The following COL23A1 variants were observed in gnomAD, a reference collection of about 807,000 sequenced individuals.
COL23A1 encodes the protein collagen alpha-1(XXIII) chain.
Under a neutral mutation model 99.3 loss-of-function variants are expected in COL23A1, and 97 were observed. The observed-to-expected ratio is 0.98, with a 90% confidence interval of 0.83 to 1.16. The LOEUF (loss-of-function observed/expected upper bound fraction) is 1.16. Among genes scored for constraint, COL23A1 ranks in the 50% most tolerant of loss-of-function variants. The pLI, the probability that COL23A1 is intolerant of heterozygous loss-of-function variation, is 0.00. For missense variants in COL23A1, 762 were observed against 757.4 expected (o/e 1.01, Z -0.07); for synonymous variants, 320 against 308.2 (o/e 1.04, Z -0.40).
At chr5:178,579,786 A>G (rs546453309) in intron 1 of COL23A1, among the ~76,000 whole-genome samples, 1 of 152,168 alleles carries the variant, frequency 6.6e-6, no homozygotes, top group Admixed American at 6.5e-5. Flanking sequence ...CCACGCATCC[A>G]TCACTTACAG....
Position 178,250,054 on chromosome 5 carries a change from C to A in COL23A1, c.1059+7G>T. 6.2e-7 allele frequency: 1 copy of A among 1,614,168 alleles called. No homozygotes were observed. The highest frequency in any genetic ancestry group is 8.5e-7 in the Non-Finnish European group (1 of 1,180,016). On this transcript the variant is annotated splice_region_variant and intron_variant, in intron 18 of 28. Coordinates refer to ENST00000390654, the MANE Select transcript of COL23A1 (RefSeq NM_173465.4). ...GGCATCACCAAGGAAATGAAAGGCC[C>A]AGAGACCTTCTCTCCATCGATTCCT...
At chr5:178,435,440 C>T (rs750390228) in intron 2 of COL23A1, among the ~76,000 whole-genome samples, 3 of 152,012 alleles carry the variant, frequency 2.0e-5, no homozygotes, top group South Asian at 2.1e-4. Flanking sequence ...AACCTGGGTG[C>T]GGAGCCCTGA....
chr5:178,538,707 A>T (rs1225206801), intron 2 of COL23A1, among the ~76,000 whole-genome samples: 1 of 152,368 alleles, frequency 6.6e-6, no homozygotes, highest in Middle Eastern at 3.4e-3. Flanking sequence ...CACGTGAGTT[A>T]GCAATTCCAG....
At chr5:178,247,364 G>A (rs547036745) in intron 22 of COL23A1, among the ~76,000 whole-genome samples, 162 bp downstream of exon 22, 1 of 152,248 alleles carries the variant, frequency 6.6e-6, no homozygotes, top group South Asian at 2.1e-4. Context: ...CAACGACATC[G>A]GGGAGGTTAT....
chr5:178,502,404 T>G (rs1470394665), intron 2 of COL23A1, among the ~76,000 whole-genome samples: 1 of 152,248 alleles, frequency 6.6e-6, no homozygotes, highest in Non-Finnish European at 1.5e-5. Context: ...GTGCTGGGAT[T>G]ACAGGCGTGA....
At chr5:178,398,487 C>T (rs1391857947) in intron 2 of COL23A1, among the ~76,000 whole-genome samples, 3 of 151,734 alleles carry the variant, frequency 2.0e-5, no homozygotes, top group African/African-American at 7.3e-5. Flanking sequence ...ATTAGCTGGG[C>T]GTGGTGGCAC....
In COL23A1 at chr5:178,434,667, A is replaced by T. The variant is rs1015974946; in HGVS notation, c.361+126015T>A. Among the ~76,000 whole-genome samples, 4 of 152,106 alleles carry T rather than the reference A, an allele frequency of 2.6e-5. No homozygotes were observed. The highest frequency in any genetic ancestry group is 9.7e-5 in the African/African-American group (4 of 41,406). ...GGGGGCTCTGGCCCTGGTGCTGCTG[A>T]GGGAGGGAAGAATCTGACCCTACCT... On this transcript the variant is annotated intron_variant, in intron 2 of 28. Coordinates refer to ENST00000390654, the MANE Select transcript of COL23A1 (RefSeq NM_173465.4). This position sits in a 1 kb window ranked among gnomAD's most constrained non-coding sequence, Gnocchi z 4.3.
intron 2 of COL23A1, among the ~76,000 whole-genome samples, chr5:178,419,128 C>T (rs1266217333): frequency 6.6e-6 from 1 of 152,236 alleles, no homozygotes; most frequent in Non-Finnish European, 1.5e-5. Context: ...AGGTGAGGGG[C>T]ATCACCCGGT....
intron 2 of COL23A1, among the ~76,000 whole-genome samples, chr5:178,441,984 G>C (rs1244513518): frequency 1.3e-5 from 2 of 152,086 alleles, no homozygotes; most frequent in African/African-American, 4.8e-5. Flanking sequence ...CAGTTTCCCT[G>C]CCCCAAATCC....
At chr5:178,502,233 G>A (rs564820892) in intron 2 of COL23A1, among the ~76,000 whole-genome samples, 27 of 152,288 alleles carry the variant, frequency 1.8e-4, no homozygotes, top group South Asian at 1.2e-3. Flanking sequence ...CCAGGTTCAC[G>A]CCATTCTCCT....
intron 2 of COL23A1, among the ~76,000 whole-genome samples, chr5:178,379,942 G>A (rs1327723200): frequency 6.6e-6 from 1 of 151,924 alleles, no homozygotes. Context: ...TACCCATTTA[G>A]TTCAACCTTA....
At chr5:178,337,564 A>T (rs754824900) in intron 2 of COL23A1, among the ~76,000 whole-genome samples, 26 of 152,012 alleles carry the variant, frequency 1.7e-4, no homozygotes, top group Non-Finnish European at 3.1e-4. Context: ...TATGGAGAGC[A>T]TCCTTCCAGG....
chr5:178,267,801 G>C (rs192633925), intron 7 of COL23A1, among the ~76,000 whole-genome samples: 11 of 152,344 alleles, frequency 7.2e-5, no homozygotes, highest in African/African-American at 2.6e-4. Context: ...GCCAAGGCCG[G>C]CAGGAAGGTA....
In COL23A1 at chr5:178,270,430, C is replaced by T. The variant is rs1756222895; in HGVS notation, c.442-67G>A. Reference sequence around the variant, plus strand: ...TGACACTTCCTCCATGTCTTATGACCCAGGTGCACTATTCAGTGACAAGAA... The same window carrying T: ...TGACACTTCCTCCATGTCTTATGACTCAGGTGCACTATTCAGTGACAAGAA... On this transcript the variant is annotated intron_variant, in intron 5 of 28. Coordinates refer to ENST00000390654, the MANE Select transcript of COL23A1 (RefSeq NM_173465.4). 5 of 1,575,774 alleles carry T rather than the reference C, an allele frequency of 3.2e-6. No homozygotes were observed. The South Asian group carries it at 4.5e-5, about 14-fold the overall frequency.
intron 5 of COL23A1, among the ~76,000 whole-genome samples, chr5:178,286,557 T>C (rs1364894605): frequency 6.6e-6 from 1 of 152,238 alleles, no homozygotes; most frequent in Admixed American, 6.5e-5. Context: ...CTGGGTGCTC[T>C]AAGCCAAGGG....
chr5:178,427,804 A>C (rs1581372527), intron 2 of COL23A1, among the ~76,000 whole-genome samples: 1 of 151,616 alleles, frequency 6.6e-6, no homozygotes, highest in African/African-American at 2.4e-5. Flanking sequence ...GGGCTGGGGG[A>C]GGGAGGGATG....
intron 1 of COL23A1, among the ~76,000 whole-genome samples, chr5:178,570,251 T>G (rs999450903): frequency 4.6e-5 from 7 of 152,032 alleles, no homozygotes; most frequent in Non-Finnish European, 8.8e-5. Context: ...TAGTTGGGAC[T>G]ACAGGTGCCG....
Position 178,544,289 on chromosome 5 carries a change from C to T in COL23A1, c.361+16393G>A, listed in dbSNP as rs928503131. Reference sequence around the variant, plus strand: ...CCCAGGGAACAGAGCTCGCCGCTTACAGAGCCCCCAGCCCAGCCCCTGCTG... The same window carrying T: ...CCCAGGGAACAGAGCTCGCCGCTTATAGAGCCCCCAGCCCAGCCCCTGCTG... On this transcript the variant is annotated intron_variant, in intron 2 of 28. Coordinates refer to ENST00000390654, the MANE Select transcript of COL23A1 (RefSeq NM_173465.4). This position sits in a 1 kb window ranked among gnomAD's most constrained non-coding sequence, Gnocchi z 4.4. Among the ~76,000 whole-genome samples, 1 of 152,184 alleles carries T rather than the reference C, an allele frequency of 6.6e-6. No homozygotes were observed. The highest frequency in any genetic ancestry group is 2.4e-5 in the African/African-American group (1 of 41,446).
intron 2 of COL23A1, among the ~76,000 whole-genome samples, chr5:178,326,800 A>G (rs1345142998): frequency 6.6e-6 from 1 of 152,016 alleles, no homozygotes; most frequent in African/African-American, 2.4e-5. Flanking sequence ...GCTCACTGCA[A>G]CCTCTGCCTC....
Sources: gnomAD v4.1 joint callset for allele counts (sites outside exome capture counted in the v4.1 genomes callset) on GRCh38, gnomAD v4.1.1 for gene constraint, Gnocchi (gnomAD v3.1) non-coding constraint, MANE v1.5 for transcripts, NCBI Gene and HGNC (gene_info 2026-07-23, HGNC 2026-07-21) for gene names.